SORL1: variants seen among roughly 807,000 people sequenced by gnomAD.
SORL1 encodes the protein sortilin related receptor 1, also known as sortilin-related receptor.
Under a neutral mutation model 273.7 loss-of-function variants are expected in SORL1, and 127 were observed. The observed-to-expected ratio is 0.46, with a 90% confidence interval of 0.40 to 0.54. The LOEUF (loss-of-function observed/expected upper bound fraction) is 0.54, where lower values mean the gene tolerates loss of function less well. Among genes scored for constraint, SORL1 ranks in the 20% least tolerant of loss-of-function variants. SORL1 has a pLI of 0.00. For missense variants in SORL1, 2,494 were observed against 2,846.1 expected (o/e 0.88, Z 2.81); for synonymous variants, 1,031 against 1,067.4 (o/e 0.97, Z 0.66).
intron 1 of SORL1, among the ~76,000 whole-genome samples, chr11:121,454,575 G>C (rs1860869515): frequency 6.6e-6 from 1 of 152,206 alleles, no homozygotes; most frequent in Admixed American, 6.5e-5. Flanking sequence ...TTCCTAACCG[G>C]AGGGTGAGGG....
intron 44 of SORL1, among the ~76,000 whole-genome samples, chr11:121,621,474 T>A (rs1308572623): frequency 1.3e-5 from 2 of 152,186 alleles, no homozygotes; most frequent in Admixed American, 1.3e-4. Context: ...TTTCTAAGTC[T>A]TTTTAACTCC....
At position 121,590,170 on chromosome 11, in the gene SORL1, T is replaced by C; in HGVS notation, c.4209T>C (p.Cys1403=). ...GGGACTGGTCTGATGAGAAGGATTG[T>C]GGAGGTAAGAGGCCCCTGGGGCCTG... The part of the protein sequence containing the change: ...DCGDWSDEKD[C]GDSHILPFST... The change falls in exon 30 of 48, where the codon TGT becomes TGC. Residue 1403 remains cysteine, a synonymous_variant. Transcript: ENST00000260197. The C allele has an allele frequency of 2.5e-6, 4 of 1,614,008 alleles. No homozygotes were observed. The highest frequency in any genetic ancestry group is 1.3e-5 in the African/African-American group (1 of 75,010).
intron 14 of SORL1, among the ~76,000 whole-genome samples, chr11:121,548,793 C>T (rs1378502405): frequency 6.6e-6 from 1 of 152,078 alleles, no homozygotes; most frequent in Non-Finnish European, 1.5e-5. Flanking sequence ...TCTAGAACTC[C>T]TGACCTCAAG....
At chr11:121,462,176 G>A (rs1304238206) in intron 1 of SORL1, among the ~76,000 whole-genome samples, 1 of 152,178 alleles carries the variant, frequency 6.6e-6, no homozygotes, top group Non-Finnish European at 1.5e-5. Flanking sequence ...TTGATCTCAA[G>A]CAGGGATCCA....
intron 1 of SORL1, among the ~76,000 whole-genome samples, chr11:121,462,701 C>T (rs895578380): frequency 6.6e-6 from 1 of 152,314 alleles, no homozygotes; most frequent in Non-Finnish European, 1.5e-5. Context: ...CCTCCCACCT[C>T]AGACTCCCTA....
intron 25 of SORL1, among the ~76,000 whole-genome samples, chr11:121,577,768 G>T (rs1565342476): frequency 6.6e-6 from 1 of 152,206 alleles, no homozygotes; most frequent in Non-Finnish European, 1.5e-5. Context: ...GCATCAGGGG[G>T]TTCCCCAGAC....
chr11:121,515,449 C>T (rs1861936781), intron 8 of SORL1, among the ~76,000 whole-genome samples: 1 of 151,990 alleles, frequency 6.6e-6, no homozygotes, highest in Non-Finnish European at 1.5e-5. Flanking sequence ...AGTAGCGCTG[C>T]AAGCAGGGCA....
chr11:121,542,802 A>T (rs182551792), intron 12 of SORL1, among the ~76,000 whole-genome samples: 1 of 149,160 alleles, frequency 6.7e-6, no homozygotes, highest in East Asian at 2.0e-4. Context: ...AGTGGGGATA[A>T]TTTTTCTGTA....
chr11:121,531,221 C>T (rs1436117374), intron 11 of SORL1, among the ~76,000 whole-genome samples: 1 of 152,092 alleles, frequency 6.6e-6, no homozygotes, highest in Admixed American at 6.5e-5. Flanking sequence ...TGGTGAAACC[C>T]TGTCTGTACT....
At chr11:121,543,024 A>G (rs1261971404) in intron 12 of SORL1, among the ~76,000 whole-genome samples, 1 of 149,840 alleles carries the variant, frequency 6.7e-6, no homozygotes, top group Non-Finnish European at 1.5e-5. Context: ...ACAAATACAA[A>G]TACAAAAAAA....
At chr11:121,461,423 G>A (rs1860999350) in intron 1 of SORL1, among the ~76,000 whole-genome samples, 1 of 152,198 alleles carries the variant, frequency 6.6e-6, no homozygotes, top group Non-Finnish European at 1.5e-5. Flanking sequence ...ACGTCCGCCT[G>A]TTGCCTCACC....
chr11:121,476,358 G>C (rs1861266635), intron 2 of SORL1, among the ~76,000 whole-genome samples: 1 of 152,194 alleles, frequency 6.6e-6, no homozygotes, highest in Non-Finnish European at 1.5e-5. Context: ...AACACATACT[G>C]TGTGTTCCAA....
chr11:121,524,071 C>G lies in SORL1; in HGVS notation c.1596+1082C>G, dbSNP rs978887382. Among the ~76,000 whole-genome samples, 3 of 152,196 alleles carry G rather than the reference C, an allele frequency of 2.0e-5. No homozygotes were observed. In the South Asian group the frequency reaches 6.2e-4, roughly 31 times the overall value. On this transcript the variant is annotated intron_variant, in intron 11 of 47. Transcript: ENST00000260197. Reference sequence around the variant, plus strand: ...CACTGTGTACTGTATGTGGTGAACGCAAATATGTGTTCAGATGAGGCAGAT... The same window carrying G: ...CACTGTGTACTGTATGTGGTGAACGGAAATATGTGTTCAGATGAGGCAGAT...
rs1272777026 is a variant in SORL1, at chr11:121,497,052, A to G, written c.939+3A>G. 1 of 1,612,106 alleles carries G rather than the reference A, an allele frequency of 6.2e-7. No individual in the cohort carries two copies. Among genetic ancestry groups the G allele is most frequent in the Non-Finnish European group, 8.5e-7 (1 of 1,179,264 alleles). ...ACATGTTTGCTACAAAGGTGGTGGT[A>G]AGTTGAATGTACTAAAGAATAAACT... On this transcript the variant is annotated splice_donor_region_variant and intron_variant, in intron 6 of 47. Transcript: ENST00000260197.
In SORL1 at chr11:121,513,058, G is replaced by A. The variant is rs775483342; in HGVS notation, c.995G>A (p.Arg332Gln). Reference sequence around the variant, plus strand: ...GTCCAGCTCTGGGTCTCCTTTGGCCGGAAGCCCATGAGAGCAGCCCAGTTT... The same window carrying A: ...GTCCAGCTCTGGGTCTCCTTTGGCCAGAAGCCCATGAGAGCAGCCCAGTTT... ...SSVQLWVSFGRKPMRAAQFVT... is the reference protein window; with the variant it reads ...SSVQLWVSFGQKPMRAAQFVT... The change falls in exon 7 of 48, where the codon CGG (arginine) becomes CAG (glutamine). Residue 332 changes from arginine to glutamine, a missense_variant. This residue lies in a region of SORL1 where 710 missense variants were observed against 882.5 expected (regional missense o/e 0.80). Coordinates refer to ENST00000260197, the MANE Select transcript of SORL1 (RefSeq NM_003105.6). The A allele has an allele frequency of 1.5e-5, 24 of 1,613,920 alleles. No homozygotes were observed. Among genetic ancestry groups the A allele is most frequent in the East Asian group, 8.9e-5 (4 of 44,892 alleles).
Position 121,523,000 on chromosome 11 carries a change from TCC to T in SORL1, c.1596+15_1596+16del. On this transcript the variant is annotated intron_variant, in intron 11 of 47. Coordinates refer to ENST00000260197, the MANE Select transcript of SORL1 (RefSeq NM_003105.6). ...GCCAGGTGGCGAGAGGTCAGCCCCC[TCC>T]CCCAATCCCGTCCCCTCCACCCTCA... The T allele has an allele frequency of 6.4e-7, 1 of 1,563,148 alleles. No individual in the cohort carries two copies. Among genetic ancestry groups the T allele is most frequent in the Non-Finnish European group, 8.8e-7 (1 of 1,134,908 alleles).
In SORL1 at chr11:121,506,860, AT is replaced by A. The variant is rs1304178882; in HGVS notation, c.940-6135del. Among the ~76,000 whole-genome samples, 6 of 152,070 alleles carry A rather than the reference AT, an allele frequency of 3.9e-5. No individual in the cohort carries two copies. The South Asian group carries it at 6.2e-4, about 16-fold the overall frequency. On this transcript the variant is annotated intron_variant, in intron 6 of 47. Transcript: ENST00000260197. ...TCTTTGCTTTCTATATTCCTGATAA[AT>A]TTTTTTTGGATCCTTTATTACTTCA...
At chr11:121,534,040 T>C (rs1264913941) in intron 12 of SORL1, among the ~76,000 whole-genome samples, 1 of 152,240 alleles carries the variant, frequency 6.6e-6, no homozygotes, top group Non-Finnish European at 1.5e-5. Flanking sequence ...AAGCACCGAT[T>C]GTGCCAGATG....
At chr11:121,477,334 G>A (rs911983891) in intron 2 of SORL1, among the ~76,000 whole-genome samples, 3 of 152,132 alleles carry the variant, frequency 2.0e-5, no homozygotes, top group African/African-American at 4.8e-5. Context: ...ATGGAATGCT[G>A]TACAAACAGA....
Sources: gnomAD v4.1 joint callset for allele counts (sites outside exome capture counted in the v4.1 genomes callset) on GRCh38, gnomAD v4.1.1 for gene constraint, gnomAD v4.1.1 regional missense constraint, MANE v1.5 for transcripts, NCBI Gene and HGNC (gene_info 2026-07-23, HGNC 2026-07-21) for gene names.